Variants in C1orf21 observed in about 807,000 individuals in gnomAD.
The protein encoded by C1orf21 is chromosome 1 open reading frame 21.
C1orf21 carries 3 observed loss-of-function variants against 18.7 expected under a neutral mutation model. The observed-to-expected ratio is 0.16, with a 90% confidence interval of 0.07 to 0.42. C1orf21 has a LOEUF of 0.42. Among genes scored for constraint, C1orf21 ranks in the 10% least tolerant of loss-of-function variants. The probability of loss-of-function intolerance (pLI) is 0.99; values close to 1 mark genes in which losing one functional copy is unlikely to be tolerated. For missense variants in C1orf21, 104 were observed against 143.6 expected, an observed-to-expected ratio of 0.72 and a Z score of 1.41; for synonymous variants, 41 against 46.4, an observed-to-expected ratio of 0.88 and a Z score of 0.47.
At chr1:184,400,621 A>G (rs983984226) in intron 1 of C1orf21, among the ~76,000 whole-genome samples, 7 of 152,124 alleles carry the variant, frequency 4.6e-5, no homozygotes, top group African/African-American at 1.7e-4. Context: ...TACCATAATT[A>G]TTCATTTGGC....
At chr1:184,393,635 A>G (rs1204785883) in intron 1 of C1orf21, among the ~76,000 whole-genome samples, 1 of 152,184 alleles carries the variant, frequency 6.6e-6, no homozygotes, top group Non-Finnish European at 1.5e-5. Flanking sequence ...CACTTCTCTT[A>G]GCTATTACAT....
At chr1:184,607,330 G>A (rs1659661711) in intron 5 of C1orf21, among the ~76,000 whole-genome samples, 1 of 152,080 alleles carries the variant, frequency 6.6e-6, no homozygotes, top group South Asian at 2.1e-4. Context: ...ATGATTCCCA[G>A]GTGTGGATCT....
At position 184,595,588 on chromosome 1, in the gene C1orf21, G is replaced by A. The variant is rs569873337; in HGVS notation, c.267-2813G>A. The stretch of plus-strand genomic sequence containing the variant: ...AAAATTCTGTCCCTGCCCCATTGAA[G>A]AGATTTCTCTTCTTCTCCCTGAAAC... On this transcript the variant is annotated intron_variant, in intron 4 of 5. Coordinates refer to ENST00000235307, the MANE Select transcript of C1orf21 (RefSeq NM_030806.4). Among the ~76,000 whole-genome samples the A allele has an allele frequency of 1.2e-3, 177 of 152,288 alleles. 1 individual carries two copies. Among genetic ancestry groups the A allele is most frequent in the African/African-American group, 4.2e-3 (175 of 41,552 alleles).
rs536565301 is a variant in C1orf21, at chr1:184,610,788, T to C, written c.328-8730T>C. Among the ~76,000 whole-genome samples, 8 of 147,224 alleles carry C rather than the reference T, an allele frequency of 5.4e-5. No individual in the cohort carries two copies. The East Asian group carries it at 1.0e-3, about 18-fold the overall frequency. On this transcript the variant is annotated intron_variant, in intron 5 of 5. Transcript: ENST00000235307. ...GCGTGAACCTGGGAGGCGGAGCTTGTAGTGAGCCGAGATCGCCCACTGCAC... is the reference window on the plus strand; with the variant it reads ...GCGTGAACCTGGGAGGCGGAGCTTGCAGTGAGCCGAGATCGCCCACTGCAC...
chr1:184,520,278 A>T lies in C1orf21; in HGVS notation c.189+12596A>T, dbSNP rs184365655. ...CATTTACTGGCAAACTTCTGCTTAT[A>T]ACTGGATAACTTGAGAGCTTGCTTA... On this transcript the variant is annotated intron_variant, in intron 3 of 5. Coordinates refer to ENST00000235307, the MANE Select transcript of C1orf21 (RefSeq NM_030806.4). Among the ~76,000 whole-genome samples, 24 of 152,332 alleles carry T rather than the reference A, an allele frequency of 1.6e-4. No individual in the cohort carries two copies. The East Asian group carries it at 3.3e-3, about 21-fold the overall frequency.
At chr1:184,595,979 G>A (rs1659508592) in intron 4 of C1orf21, among the ~76,000 whole-genome samples, 1 of 152,182 alleles carries the variant, frequency 6.6e-6, no homozygotes, top group Admixed American at 6.5e-5. Context: ...ATCGCTGAGA[G>A]TTTTGTGGTT....
At chr1:184,616,706 GTGTA>G (rs763403365) in intron 5 of C1orf21, among the ~76,000 whole-genome samples, 30 of 131,780 alleles carry the variant, frequency 2.3e-4, no homozygotes, top group Middle Eastern at 7.8e-3. Flanking sequence ...GTGCACACGT[GTGTA>G]TGTGTGTTGT....
intron 3 of C1orf21, among the ~76,000 whole-genome samples, chr1:184,584,133 CTTTTTTTTTT>C (rs386368968): frequency 8.8e-6 from 1 of 113,276 alleles, no homozygotes; most frequent in South Asian, 3.2e-4. Context: ...TGTTCTTCTT[CTTTTTTTTTT>C]TTTTTTTTTT....
intron 1 of C1orf21, among the ~76,000 whole-genome samples, chr1:184,457,244 T>C (rs1182315812): frequency 6.6e-6 from 1 of 152,182 alleles, no homozygotes; most frequent in African/African-American, 2.4e-5. Context: ...TCTTGAAAAG[T>C]AAATTGGTAT....
intron 1 of C1orf21, among the ~76,000 whole-genome samples, chr1:184,392,506 G>T (rs1157285443): frequency 6.6e-6 from 1 of 152,136 alleles, no homozygotes; most frequent in Non-Finnish European, 1.5e-5. Flanking sequence ...CACTATTTGG[G>T]TGATGGGTAC....
intron 2 of C1orf21, among the ~76,000 whole-genome samples, chr1:184,484,075 C>G (rs537371372): frequency 2.0e-5 from 3 of 152,086 alleles, no homozygotes; most frequent in African/African-American, 7.2e-5. Flanking sequence ...AGGCACCCAC[C>G]ACCGCGCCCG....
chr1:184,401,460 C>T (rs764754264), intron 1 of C1orf21, among the ~76,000 whole-genome samples: 12 of 152,152 alleles, frequency 7.9e-5, no homozygotes, highest in Non-Finnish European at 1.5e-4. Flanking sequence ...CTTGGCAGAT[C>T]AGGTGATCCG....
At chr1:184,554,199 G>A (rs975305147) in intron 3 of C1orf21, among the ~76,000 whole-genome samples, 46 of 152,074 alleles carry the variant, frequency 3.0e-4, no homozygotes, top group African/African-American at 1.1e-3. Context: ...TTTTCTTCTT[G>A]TATCTTTTCC....
At chr1:184,410,663 A>ATATATATATATATTTTTTTT (rs67546366) in intron 1 of C1orf21, among the ~76,000 whole-genome samples, 1 of 7,678 alleles carries the variant, frequency 1.3e-4, no homozygotes, top group Non-Finnish European at 1.9e-4. Flanking sequence ...ATATATATAT[A>ATATATATATATATTTTTTTT]TTTTTTTTTT....
intron 1 of C1orf21, among the ~76,000 whole-genome samples, chr1:184,470,036 G>A (rs1179745015): frequency 1.3e-5 from 2 of 152,188 alleles, no homozygotes; most frequent in South Asian, 2.1e-4. Context: ...ATCAAATTGT[G>A]CCTTTTAGTA....
At chr1:184,505,905 T>C (rs1658054475) in intron 2 of C1orf21, among the ~76,000 whole-genome samples, 1 of 152,076 alleles carries the variant, frequency 6.6e-6, no homozygotes, top group East Asian at 1.9e-4. Flanking sequence ...TGTGTAATTG[T>C]GTTGGGGGCA....
chr1:184,603,622 C>CT (rs1482092302), intron 5 of C1orf21, among the ~76,000 whole-genome samples: 1 of 152,174 alleles, frequency 6.6e-6, no homozygotes, highest in East Asian at 1.9e-4. Flanking sequence ...TGGTGAAACC[C>CT]TGTCTATACT....
At position 184,501,930 on chromosome 1, in the gene C1orf21, A is replaced by G. The variant is rs1196063271; in HGVS notation, c.95-5658A>G. ...AAGGATATGAAGAGACACTTCACAA[A>G]TAAAGAAATACAAATAAATGATCAA... On this transcript the variant is annotated intron_variant, in intron 2 of 5. Transcript: ENST00000235307. 3.3e-5 allele frequency among the ~76,000 whole-genome samples: 5 copies of G among 152,364 alleles called. No individual in the cohort carries two copies. The East Asian group carries it at 9.6e-4, about 29-fold the overall frequency.
chr1:184,513,171 T>G (rs1267678859), intron 3 of C1orf21, among the ~76,000 whole-genome samples: 2 of 152,344 alleles, frequency 1.3e-5, no homozygotes, highest in African/African-American at 4.8e-5. Context: ...TGGGGACCAC[T>G]GTATTAAAGT....
Sources: gnomAD v4.1 joint callset for allele counts (sites outside exome capture counted in the v4.1 genomes callset) on GRCh38, gnomAD v4.1.1 for gene constraint, MANE v1.5 for transcripts, NCBI Gene and HGNC (gene_info 2026-07-23, HGNC 2026-07-21) for gene names.